Variants in ZNF385B observed in about 807,000 individuals in gnomAD.
The protein encoded by ZNF385B is zinc finger protein 533.
A neutral mutation model predicts 39.2 loss-of-function variants in ZNF385B; 23 were observed. That is an observed-to-expected ratio of 0.59 (90% CI 0.42 to 0.83). The LOEUF is 0.83. ZNF385B is among the 40% of genes least tolerant of loss of function. ZNF385B has a pLI of 0.00. For missense variants in ZNF385B, 552 were observed against 598.9 expected, an observed-to-expected ratio of 0.92 and a Z score of 0.82; for synonymous variants, 205 against 222.6, an observed-to-expected ratio of 0.92 and a Z score of 0.70.
intron 7 of ZNF385B, among the ~76,000 whole-genome samples, chr2:179,446,173 C>T (rs1390903584): frequency 6.6e-6 from 1 of 151,946 alleles, no homozygotes; most frequent in Non-Finnish European, 1.5e-5. Flanking sequence ...TCAGTATTTC[C>T]CTACTGGTGG....
chr2:179,464,096 G>A (rs899255997), intron 6 of ZNF385B, among the ~76,000 whole-genome samples: 1 of 152,174 alleles, frequency 6.6e-6, no homozygotes, highest in Non-Finnish European at 1.5e-5. Context: ...TTTCTCTAAT[G>A]ACCAGTGATG....
At chr2:179,707,532 G>A (rs1425998953) in intron 3 of ZNF385B, among the ~76,000 whole-genome samples, 1 of 152,168 alleles carries the variant, frequency 6.6e-6, no homozygotes, top group Non-Finnish European at 1.5e-5. Context: ...TCTATGCTGG[G>A]CATTACCAAG....
At chr2:179,503,335 T>C (rs10183243) in intron 5 of ZNF385B, among the ~76,000 whole-genome samples, 126,669 of 152,178 alleles carry the variant, frequency 0.83, 53,021 homozygotes, top group East Asian at 0.92. Flanking sequence ...TTTGGACCAA[T>C]AAAAGTACAA....
At chr2:179,835,237 T>C (rs1575575742) in intron 1 of ZNF385B, among the ~76,000 whole-genome samples, 1 of 152,322 alleles carries the variant, frequency 6.6e-6, no homozygotes, top group East Asian at 1.9e-4. Context: ...ACCAAATGTG[T>C]ATACAGAAAG....
At chr2:179,515,898 G>A (rs1415658818) in intron 5 of ZNF385B, among the ~76,000 whole-genome samples, 1 of 151,966 alleles carries the variant, frequency 6.6e-6, no homozygotes, top group East Asian at 1.9e-4. Context: ...ATTCAAAAAC[G>A]TTCCTGCATT....
At chr2:179,803,198 T>C (rs1706138650) in intron 1 of ZNF385B, among the ~76,000 whole-genome samples, 1 of 152,194 alleles carries the variant, frequency 6.6e-6, no homozygotes, top group Non-Finnish European at 1.5e-5. Flanking sequence ...TTGTTCATCA[T>C]GACATTTATT....
At chr2:179,561,790 T>C (rs936838715) in intron 3 of ZNF385B, among the ~76,000 whole-genome samples, 3 of 152,138 alleles carry the variant, frequency 2.0e-5, no homozygotes, top group Non-Finnish European at 4.4e-5. Flanking sequence ...ACTTACCTGG[T>C]TTCCAGAGAG....
intron 3 of ZNF385B, among the ~76,000 whole-genome samples, chr2:179,767,149 A>G (rs1206164176): frequency 6.6e-6 from 1 of 152,250 alleles, no homozygotes; most frequent in Admixed American, 6.5e-5. Flanking sequence ...ACTATGAGTA[A>G]GCTGGAAGAT....
At chr2:179,839,527 T>C (rs1308785711) in intron 1 of ZNF385B, among the ~76,000 whole-genome samples, 2 of 152,264 alleles carry the variant, frequency 1.3e-5, no homozygotes, top group Admixed American at 6.5e-5. Context: ...TATCTGTTTA[T>C]TCTAGTTCTT....
chr2:179,536,859 A>G (rs1231347860), intron 4 of ZNF385B, among the ~76,000 whole-genome samples: 1 of 152,214 alleles, frequency 6.6e-6, no homozygotes, highest in Non-Finnish European at 1.5e-5. Context: ...TACAATAAAT[A>G]CATACCATAT....
At chr2:179,706,429 C>G (rs938268352) in intron 3 of ZNF385B, among the ~76,000 whole-genome samples, 1 of 152,150 alleles carries the variant, frequency 6.6e-6, no homozygotes, top group African/African-American at 2.4e-5. Context: ...TTTGGCATAA[C>G]AATTGACATG....
chr2:179,714,300 A>G (rs1030234575), intron 3 of ZNF385B, among the ~76,000 whole-genome samples: 2 of 152,230 alleles, frequency 1.3e-5, no homozygotes, highest in Non-Finnish European at 2.9e-5. Flanking sequence ...ATTCCATGAT[A>G]CCTTCATAAG....
chr2:179,594,026 A>AACTT (rs146021937), intron 3 of ZNF385B, among the ~76,000 whole-genome samples: 7,934 of 123,032 alleles, frequency 0.064, 436 homozygotes, highest in East Asian at 0.23. Flanking sequence ...GACTTCTTTC[A>AACTT]ACTTTGTAAA....
At chr2:179,650,607 A>G (rs1032737855) in intron 3 of ZNF385B, among the ~76,000 whole-genome samples, 2 of 152,200 alleles carry the variant, frequency 1.3e-5, no homozygotes, top group Non-Finnish European at 2.9e-5. Flanking sequence ...TCCTGTAACA[A>G]GCTGTCATGT....
chr2:179,675,540 A>G (rs1405853905), intron 3 of ZNF385B, among the ~76,000 whole-genome samples: 3 of 152,210 alleles, frequency 2.0e-5, no homozygotes, highest in Non-Finnish European at 4.4e-5. Flanking sequence ...CTACATCGTC[A>G]AATAAGAATA....
At chr2:179,778,572 T>C (rs1704480381) in intron 1 of ZNF385B, among the ~76,000 whole-genome samples, 1 of 152,214 alleles carries the variant, frequency 6.6e-6, no homozygotes, top group Admixed American at 6.5e-5. Flanking sequence ...CATGTCATCT[T>C]TACAAGTTTA....
At chr2:179,498,450 C>A (rs574066654) in intron 5 of ZNF385B, among the ~76,000 whole-genome samples, 61 of 151,978 alleles carry the variant, frequency 4.0e-4, no homozygotes, top group African/African-American at 1.4e-3. Context: ...ATATAACAAG[C>A]CTTAAAACAT....
At chr2:179,691,648 A>G (rs934452026) in intron 3 of ZNF385B, among the ~76,000 whole-genome samples, 7 of 152,180 alleles carry the variant, frequency 4.6e-5, no homozygotes, top group African/African-American at 1.7e-4. Context: ...AGTTTCAATG[A>G]GTCTAGTATT....
chr2:179,597,074 C>T (rs1478902904), intron 3 of ZNF385B, among the ~76,000 whole-genome samples: 1 of 152,140 alleles, frequency 6.6e-6, no homozygotes, highest in Non-Finnish European at 1.5e-5. Flanking sequence ...TTACTGAGCC[C>T]CTACCAGCAG....
Sources: gnomAD v4.1 joint callset for allele counts (sites outside exome capture counted in the v4.1 genomes callset) on GRCh38, gnomAD v4.1.1 for gene constraint, MANE v1.5 for transcripts, NCBI Gene and HGNC (gene_info 2026-07-23, HGNC 2026-07-21) for gene names.